The following CASP9 variants were observed in gnomAD, a reference collection of about 807,000 sequenced individuals.
CASP9 encodes the protein caspase 9, also known as caspase-9.
CASP9 carries 29 observed loss-of-function variants against 43.5 expected under a neutral mutation model. The observed-to-expected ratio is 0.67, with a 90% confidence interval of 0.50 to 0.91. The LOEUF is 0.91. Ranked by LOEUF, CASP9 falls within the 40% of genes least tolerant of loss-of-function variation. The probability of loss-of-function intolerance (pLI) is 0.00; values close to 1 mark genes in which losing one functional copy is unlikely to be tolerated. For synonymous variants in CASP9, 206 were observed against 211.9 expected (o/e 0.97, Z 0.24); for missense variants, 575 against 537.4 (o/e 1.07, Z -0.69).
chr1:15,510,320 C>A (rs1709709064), intron 2 of CASP9, among the ~76,000 whole-genome samples: 1 of 152,162 alleles, frequency 6.6e-6, no homozygotes, highest in Non-Finnish European at 1.5e-5. Flanking sequence ...CAGTGCCATT[C>A]CTTGCTTAGA....
upstream of CASP9, chr1:15,524,576 C>A: frequency 1.0e-6 from 1 of 963,776 alleles, no homozygotes; most frequent in Non-Finnish European, 1.3e-6. Flanking sequence ...CGTATCCCCG[C>A]ACTGACCTCA....
Position 15,491,935 on chromosome 1 carries a change from C to T in CASP9, c.*1008G>A, listed in dbSNP as rs1250747695. On this transcript the variant is annotated 3_prime_UTR_variant, in exon 9 of 9. Coordinates refer to ENST00000333868, the MANE Select transcript of CASP9 (RefSeq NM_001229.5). ...GGAAGCATGGCTAGGACTCAGGGGA[C>T]CCAGGTTCTGGCCAGGTCTCTTCTC... 6.5e-6 allele frequency: 1 copy of T among 152,678 alleles called. No individual in the cohort carries two copies. The highest frequency in any genetic ancestry group is 1.5e-5 in the Non-Finnish European group (1 of 68,586). 9.5% of individuals were successfully genotyped at this position (152,678 alleles called of 1,614,324 possible). A position where few individuals can be genotyped will look rare whatever the true frequency, so the allele number is the denominator to read the frequency against.
chr1:15,522,369 A>G (rs781305443), intron 1 of CASP9, among the ~76,000 whole-genome samples: 2 of 152,218 alleles, frequency 1.3e-5, no homozygotes, highest in Non-Finnish European at 2.9e-5. Context: ...TGTTGCTAAC[A>G]TTTTAAGCCA....
At chr1:15,519,251 C>G (rs1043744709) in intron 1 of CASP9, among the ~76,000 whole-genome samples, 16 of 152,122 alleles carry the variant, frequency 1.1e-4, no homozygotes, top group African/African-American at 3.9e-4. Context: ...ACCATCTCAG[C>G]TCACTGCAAC....
At chr1:15,494,123 A>G (rs2020898) in intron 7 of CASP9, 122 bp from the exon 8 acceptor site, 695,308 of 1,212,844 alleles carry the variant, frequency 0.57, 204,222 homozygotes, top group African/African-American at 0.85. Context: ...CATACATCCA[A>G]CAGGAGCAGC....
intron 6 of CASP9, among the ~76,000 whole-genome samples, 165 bp downstream of exon 6, chr1:15,504,446 C>G (rs994668731): frequency 6.6e-6 from 1 of 152,230 alleles, no homozygotes; most frequent in Non-Finnish European, 1.5e-5. Flanking sequence ...AGAGCAGGGC[C>G]TGCTCCAGCC....
In CASP9 at chr1:15,495,266, T is replaced by C. The variant is rs1394670347; in HGVS notation, c.1048+7A>G. ...GCTGCGAGGACGAGCCCTTCTGATG[T>C]GCTCACCTGGGAAAGTAGAGTAGGA... On this transcript the variant is annotated splice_region_variant and intron_variant, in intron 7 of 8. Coordinates refer to ENST00000333868, the MANE Select transcript of CASP9 (RefSeq NM_001229.5). The C allele has an allele frequency of 6.2e-7, 1 of 1,608,524 alleles. No individual in the cohort carries two copies. Among genetic ancestry groups the C allele is most frequent in the Non-Finnish European group, 8.5e-7 (1 of 1,177,468 alleles).
intron 6 of CASP9, among the ~76,000 whole-genome samples, chr1:15,498,458 C>T (rs1709195448): frequency 6.6e-6 from 1 of 151,856 alleles, no homozygotes; most frequent in South Asian, 2.1e-4. Flanking sequence ...CAAGCAATCA[C>T]CCCAAAAAAA....
intron 6 of CASP9, among the ~76,000 whole-genome samples, 171 bp downstream of exon 6, chr1:15,504,440 C>T (rs1424103121): frequency 6.6e-6 from 1 of 152,234 alleles, no homozygotes; most frequent in Admixed American, 6.5e-5. Context: ...GCAGACAGAG[C>T]AGGGCCTGCT....
intron 5 of CASP9, 40 bp from the exon 6 acceptor site, chr1:15,504,798 G>A: frequency 6.3e-7 from 1 of 1,591,066 alleles, no homozygotes; most frequent in South Asian, 1.1e-5. Context: ...CCAAGAAGTT[G>A]GAGTAGGAAT....
chr1:15,505,964 C>T, intron 5 of CASP9, 26 bp downstream of exon 5: 3 of 1,585,382 alleles, frequency 1.9e-6, no homozygotes, highest in South Asian at 1.1e-5. Context: ...CAATGCCTGC[C>T]CAGGGAACAG....
chr1:15,505,606 T>C (rs1369262432), intron 5 of CASP9, among the ~76,000 whole-genome samples: 1 of 152,018 alleles, frequency 6.6e-6, no homozygotes, highest in South Asian at 2.1e-4. Context: ...AAGCCCCCAG[T>C]GGGCCTGGTG....
Position 15,497,658 on chromosome 1 carries a change from A to T in CASP9, c.869-2206T>A, listed in dbSNP as rs981312898. Among the ~76,000 whole-genome samples, 71 of 144,136 alleles carry T rather than the reference A, an allele frequency of 4.9e-4. 1 individual carries two copies. The highest frequency in any genetic ancestry group is 1.9e-3 in the African/African-American group (65 of 34,920). The allele number at this position is 144,136 out of a possible 152,430, so 94.6% of individuals were successfully genotyped here. On this transcript the variant is annotated intron_variant, in intron 6 of 8. Coordinates refer to ENST00000333868, the MANE Select transcript of CASP9 (RefSeq NM_001229.5). ...CTCTGTCTCAAGAAAAAAAAAAAAA[A>T]GATATAAATAAATGGAAATATATCC...
Position 15,517,958 on chromosome 1 carries a change from G to A in CASP9, c.418+152C>T, listed in dbSNP as rs773465631. ...AGGGGCTGCCAAGATTCAACCTCCT[G>A]AAAACCTCCCAGAATTTTGCCATCC... On this transcript the variant is annotated intron_variant, in intron 2 of 8. Transcript: ENST00000333868. 135 of 861,880 alleles carry A rather than the reference G, an allele frequency of 1.6e-4. 3 individuals are homozygous for A. Among genetic ancestry groups the A allele is most frequent in the South Asian group, 8.1e-4 (47 of 58,218 alleles). The allele number at this position is 861,880 out of a possible 1,614,324, so 53.4% of individuals were successfully genotyped here.
intron 2 of CASP9, among the ~76,000 whole-genome samples, chr1:15,509,460 C>CAAAAAAAA (rs563284288): frequency 9.8e-4 from 104 of 105,598 alleles, no homozygotes; most frequent in Non-Finnish European, 1.4e-3. Flanking sequence ...ACTAAAAATA[C>CAAAAAAAA]AAAAAAAAAA....
At chr1:15,501,353 G>A (rs969185158) in intron 6 of CASP9, among the ~76,000 whole-genome samples, 9 of 150,766 alleles carry the variant, frequency 6.0e-5, no homozygotes, top group African/African-American at 2.2e-4. Flanking sequence ...CATGTTGGAG[G>A]GTTTTAAAAT....
rs575119898 is a variant in CASP9 at position 15,500,083 on chromosome 1, G to A, written c.868+4528C>T. ...GGTGGGGTAAGGCGGAGCACAGAGG[G>A]CTACTCAGGAAAGAAGGCATCTAAC... On this transcript the variant is annotated intron_variant, in intron 6 of 8. Coordinates refer to ENST00000333868, the MANE Select transcript of CASP9 (RefSeq NM_001229.5). Among the ~76,000 whole-genome samples, 4 of 151,740 alleles carry A rather than the reference G, an allele frequency of 2.6e-5. No homozygotes were observed. In the East Asian group the frequency reaches 5.8e-4, roughly 22 times the overall value.
chr1:15,497,656 AAAG>A (rs1709160390), intron 6 of CASP9, among the ~76,000 whole-genome samples: 1 of 147,252 alleles, frequency 6.8e-6, no homozygotes, highest in African/African-American at 2.6e-5. Context: ...AAAAAAAAAA[AAAG>A]ATATAAATAA....
intron 1 of CASP9, among the ~76,000 whole-genome samples, chr1:15,518,758 G>A (rs145948838): frequency 3.7e-4 from 56 of 152,360 alleles, no homozygotes; most frequent in African/African-American, 1.3e-3. Flanking sequence ...CGAATTCAGA[G>A]TCTTATGAGG....
Sources: allele counts gnomAD v4.1 joint callset (sites outside exome capture counted in the v4.1 genomes callset), GRCh38; gene constraint gnomAD v4.1.1; transcripts MANE v1.5; gene names NCBI Gene and HGNC (gene_info 2026-07-23, HGNC 2026-07-21).